Variants in SMARCA5 observed in about 807,000 individuals in gnomAD.
The protein encoded by SMARCA5 is SWI/SNF-related matrix-associated actin-dependent regulator of chromatin subfamily A member 5.
A neutral mutation model predicts 140.4 loss-of-function variants in SMARCA5; 18 were observed. The ratio of observed to expected loss-of-function variants is 0.13; its 90% CI spans 0.09 to 0.19. SMARCA5 has a LOEUF of 0.19. Among genes scored for constraint, SMARCA5 ranks in the 10% least tolerant of loss-of-function variants. SMARCA5 has a pLI of 1.00. For synonymous variants in SMARCA5, 449 were observed against 419.6 expected (o/e 1.07, Z -0.86); for missense variants, 606 against 1,276.8 (o/e 0.47, Z 8.01).
At position 143,555,624 on chromosome 4, in the gene SMARCA5, A is replaced by G. The variant is rs1737731326; in HGVS notation, c.*2440A>G. 1.0e-5 allele frequency: 3 copies of G among 289,962 alleles called. No homozygotes were observed. Among genetic ancestry groups the G allele is most frequent in the Non-Finnish European group, 2.0e-5 (3 of 150,142 alleles). 18.0% of individuals were successfully genotyped at this position (289,962 alleles called of 1,614,324 possible). ...AGATTGCTTAATTGTACATCTGACA[A>G]AGTGCTGGAGGCTATTATAAAGTGT... On this transcript the variant is annotated 3_prime_UTR_variant, in exon 24 of 24. Coordinates refer to ENST00000283131, the MANE Select transcript of SMARCA5 (RefSeq NM_003601.4).
chr4:143,517,889 A>G (rs1315551142), intron 2 of SMARCA5, among the ~76,000 whole-genome samples: 1 of 152,186 alleles, frequency 6.6e-6, no homozygotes, highest in African/African-American at 2.4e-5. Context: ...TATCCATTTG[A>G]AATATGTGTA....
At position 143,538,789 on chromosome 4, in the gene SMARCA5, T is replaced by TC; in HGVS notation, c.1623dup (p.Ile542HisfsTer6). ...AACCATTTTGTTTTATCCATAGGAC[T>TC]CCATCAATGCATACAATGAACCAAA... On this transcript the variant is annotated frameshift_variant, in exon 13 of 24. Transcript: ENST00000283131. LOFTEE classifies it high-confidence loss of function. 1 of 1,613,850 alleles carries TC rather than the reference T, an allele frequency of 6.2e-7. No homozygotes were observed. The highest frequency in any genetic ancestry group is 8.5e-7 in the Non-Finnish European group (1 of 1,179,866).
chr4:143,534,815 G>A (rs1223405548), intron 9 of SMARCA5, 40 bp from the exon 10 acceptor site: 1 of 1,393,488 alleles, frequency 7.2e-7, no homozygotes, highest in Non-Finnish European at 1.0e-6. Context: ...GACCTTATGT[G>A]TAATATTGGT....
Position 143,524,433 on chromosome 4 carries a change from C to T in SMARCA5, c.486C>T (p.Thr162=). 4 of 1,612,556 alleles carry T rather than the reference C, an allele frequency of 2.5e-6. No homozygotes were observed. The highest frequency in any genetic ancestry group is 3.4e-6 in the Non-Finnish European group (4 of 1,179,078). The part of the protein sequence containing the change: ...EELLTESSKA[T]NVCTRFEDSP... Reference sequence around the variant, plus strand: ...TATTAACAGAAAGCTCCAAAGCAACCAATGTTTGCACTCGATTTGAAGACT... The same window carrying T: ...TATTAACAGAAAGCTCCAAAGCAACTAATGTTTGCACTCGATTTGAAGACT... The change falls in exon 4 of 24, where the codon ACC becomes ACT. Residue 162 remains threonine (T), a synonymous_variant. Coordinates refer to ENST00000283131, the MANE Select transcript of SMARCA5 (RefSeq NM_003601.4).
chr4:143,550,082 A>G lies in SMARCA5; in HGVS notation c.3071A>G (p.Lys1024Arg), dbSNP rs1337982374. The change falls in exon 23 of 24, where the codon AAG becomes AGG. Residue 1024 changes from lysine (K) to arginine (R), a missense_variant. By Grantham distance (26) the Lys-to-Arg change is conservative. This residue lies in a region of SMARCA5 where 40 missense variants were observed against 59.8 expected (regional missense o/e 0.67). Transcript: ENST00000283131. ...ELEEKEKAEK[K>R]KRGPKPSTQK... ...GAAGAAAAGGAGAAGGCAGAGAAAA[A>G]GAAACGAGGACCAAAGCCTTCAGTA... The G allele has an allele frequency of 1.3e-6, 2 of 1,579,552 alleles. No individual in the cohort carries two copies. The highest frequency in any genetic ancestry group is 1.2e-5 in the South Asian group (1 of 85,410).
At chr4:143,523,852 T>G (rs186590156) in intron 3 of SMARCA5, among the ~76,000 whole-genome samples, 1 of 152,224 alleles carries the variant, frequency 6.6e-6, no homozygotes, top group South Asian at 2.1e-4. Flanking sequence ...ATTAAAACTT[T>G]AGAAAATCAG....
intron 1 of SMARCA5, 118 bp from the exon 2 acceptor site, chr4:143,517,237 C>G: frequency 1.6e-6 from 1 of 630,412 alleles, no homozygotes; most frequent in Non-Finnish European, 2.7e-6. Flanking sequence ...GTTTAAGTTT[C>G]TAGGAAGTTT....
In SMARCA5 at chr4:143,514,129, G is replaced by C. The variant is rs1285683949; in HGVS notation, c.177+28G>C. 6.0e-6 allele frequency: 9 copies of C among 1,495,248 alleles called. No homozygotes were observed. The East Asian group carries it at 2.2e-4, about 37-fold the overall frequency. The allele number at this position is 1,495,248 out of a possible 1,614,324, so 92.6% of individuals were successfully genotyped here. Reference sequence around the variant, plus strand: ...GAGGGCGACTTGCGGCATGGGGAGCGGGTGCAGCGGGGAGGAGGAGCTGGC... The same window carrying C: ...GAGGGCGACTTGCGGCATGGGGAGCCGGTGCAGCGGGGAGGAGGAGCTGGC... On this transcript the variant is annotated intron_variant, in intron 1 of 23. Transcript: ENST00000283131.
chr4:143,517,720 T>G lies in SMARCA5; in HGVS notation c.252+291T>G, dbSNP rs75861958. 3.1e-3 allele frequency among the ~76,000 whole-genome samples: 471 copies of G among 152,268 alleles called. 4 individuals are homozygous for G. Among genetic ancestry groups the G allele is most frequent in the African/African-American group, 0.011 (458 of 41,560 alleles). On this transcript the variant is annotated intron_variant, in intron 2 of 23. Coordinates refer to ENST00000283131, the MANE Select transcript of SMARCA5 (RefSeq NM_003601.4). ...AACAAGCTCACTGGTGATAACCTCC[T>G]CCTGAGATACTGACAGTAATCTTTT...
Position 143,555,455 on chromosome 4 carries a change from C to G in SMARCA5, c.*2271C>G, listed in dbSNP as rs920392024. ...GACTAATTGTATAATAGTTTCTGTT[C>G]TGTGGAAAGTAAAGCATTCCAACAC... On this transcript the variant is annotated 3_prime_UTR_variant, in exon 24 of 24. Coordinates refer to ENST00000283131, the MANE Select transcript of SMARCA5 (RefSeq NM_003601.4). 1.8e-5 allele frequency: 10 copies of G among 552,188 alleles called. No homozygotes were observed. Among genetic ancestry groups the G allele is most frequent in the Admixed American group, 4.8e-5 (2 of 41,252 alleles). 34.2% of individuals were successfully genotyped at this position (552,188 alleles called of 1,614,324 possible).
intron 21 of SMARCA5, 44 bp downstream of exon 21, chr4:143,547,547 C>T (rs1737551554): frequency 1.0e-6 from 1 of 1,004,696 alleles, no homozygotes; most frequent in Non-Finnish European, 1.6e-6. Context: ...AAAATAACTC[C>T]TAGCTGTGAG....
At chr4:143,520,977 T>A (rs558081407) in intron 2 of SMARCA5, among the ~76,000 whole-genome samples, 1 of 152,370 alleles carries the variant, frequency 6.6e-6, no homozygotes, top group East Asian at 1.9e-4. Context: ...TAAATTCACT[T>A]GTATTGCACA....
Position 143,543,491 on chromosome 4 carries a change from AAC to A in SMARCA5, c.1904-14_1904-13del, listed in dbSNP as rs772100538. ...AAAGTCTGTTCAGTTAACATTATAC[AAC>A]ACAATCTTTTTTCAGGGAGGCTTGT... On this transcript the variant is annotated splice_polypyrimidine_tract_variant and intron_variant, in intron 14 of 23. Transcript: ENST00000283131. The A allele has an allele frequency of 6.2e-7, 1 of 1,609,760 alleles. No individual in the cohort carries two copies.
At chr4:143,549,888 T>G in intron 22 of SMARCA5, 109 bp from the exon 23 acceptor site, 5 of 568,142 alleles carry the variant, frequency 8.8e-6, no homozygotes, top group Non-Finnish European at 1.3e-5. Flanking sequence ...AAATCAGGGG[T>G]GTATTAGTGG....
intron 15 of SMARCA5, 24 bp from the exon 16 acceptor site, chr4:143,543,829 G>C: frequency 1.9e-6 from 3 of 1,580,888 alleles, no homozygotes; most frequent in Non-Finnish European, 2.6e-6. Context: ...GTGAATCTAA[G>C]AAGCTGATTG....
At chr4:143,518,446 C>T (rs888833640) in intron 2 of SMARCA5, among the ~76,000 whole-genome samples, 1 of 152,142 alleles carries the variant, frequency 6.6e-6, no homozygotes, top group Non-Finnish European at 1.5e-5. Context: ...ACAGTGTGCT[C>T]CTGTAGGGTA....
In SMARCA5 at chr4:143,553,262, A is replaced by G; in HGVS notation, c.*78A>G. Reference sequence around the variant, plus strand: ...CGGGTCTTCATAAGATGTACTGTACAATGCTCAATTGTTATGTCATTTAAA... The same window carrying G: ...CGGGTCTTCATAAGATGTACTGTACGATGCTCAATTGTTATGTCATTTAAA... On this transcript the variant is annotated 3_prime_UTR_variant, in exon 24 of 24. Coordinates refer to ENST00000283131, the MANE Select transcript of SMARCA5 (RefSeq NM_003601.4). 1.1e-6 allele frequency: 1 copy of G among 944,774 alleles called. No homozygotes were observed. The highest frequency in any genetic ancestry group is 1.7e-6 in the Non-Finnish European group (1 of 577,020). The allele number at this position is 944,774 out of a possible 1,614,324, so 58.5% of individuals were successfully genotyped here. A position where few individuals can be genotyped will look rare whatever the true frequency, so the allele number is the denominator to read the frequency against.
At chr4:143,514,150 C>A in intron 1 of SMARCA5, 49 bp downstream of exon 1, 1 of 1,450,634 alleles carries the variant, frequency 6.9e-7, no homozygotes, top group Non-Finnish European at 9.1e-7. Context: ...GGAGGAGGAG[C>A]TGGCTCCCTC....
chr4:143,549,922 C>A, intron 22 of SMARCA5, 75 bp from the exon 23 acceptor site: 10 of 741,134 alleles, frequency 1.3e-5, no homozygotes, highest in East Asian at 8.7e-5. Flanking sequence ...CCTATTAAAA[C>A]ATACCTTGTT....
Sources: allele counts gnomAD v4.1 joint callset (sites outside exome capture counted in the v4.1 genomes callset), GRCh38; gene constraint gnomAD v4.1.1; regional missense constraint gnomAD v4.1.1; transcripts MANE v1.5; gene names NCBI Gene and HGNC (gene_info 2026-07-23, HGNC 2026-07-21).